Variants in ZC3H12B observed in about 807,000 individuals in gnomAD.
ZC3H12B encodes zinc finger CCCH-type containing 12B, also known as probable ribonuclease ZC3H12B.
Under a neutral mutation model 43.9 loss-of-function variants are expected in ZC3H12B, and 7 were observed. That is an observed-to-expected ratio of 0.16 (90% CI 0.09 to 0.30). The LOEUF (loss-of-function observed/expected upper bound fraction) is 0.30, where lower values mean the gene tolerates loss of function less well. ZC3H12B is among the 10% of genes least tolerant of loss of function. The probability of loss-of-function intolerance (pLI) is 1.00; values close to 1 mark genes in which losing one functional copy is unlikely to be tolerated. For missense variants in ZC3H12B, 475 were observed against 670.2 expected, an observed-to-expected ratio of 0.71 and a Z score of 3.22; for synonymous variants, 222 against 241.7, an observed-to-expected ratio of 0.92 and a Z score of 0.76.
the ZC3H12B span, among the ~76,000 whole-genome samples, chrX:65,304,815 A>C: frequency 2.7e-5 from 3 of 111,530 alleles, no homozygotes; most frequent in Non-Finnish European, 3.8e-5. Flanking sequence ...ATGATCAATA[A>C]AGAAAAATAA....
the ZC3H12B span, among the ~76,000 whole-genome samples, chrX:65,207,027 G>T: frequency 9.2e-6 from 1 of 109,117 alleles, no homozygotes; most frequent in Non-Finnish European, 1.9e-5. Context: ...GTGTGGATGT[G>T]GTGAAAAGGG....
At chrX:65,367,065 C>T (rs2066183357) in intron 1 of ZC3H12B, among the ~76,000 whole-genome samples, 1 of 112,137 alleles carries the variant, frequency 8.9e-6, no homozygotes, top group Non-Finnish European at 1.9e-5. Flanking sequence ...TCGTGAAGCT[C>T]AGTATAGCAG....
At chrX:65,424,334 T>A (rs1317726911) in intron 3 of ZC3H12B, among the ~76,000 whole-genome samples, 1 of 112,405 alleles carries the variant, frequency 8.9e-6, no homozygotes, top group Non-Finnish European at 1.9e-5. Context: ...TTCTTGTAAA[T>A]TTTTTAAGTT....
At chrX:65,175,689 T>A in the ZC3H12B span, among the ~76,000 whole-genome samples, 6 of 111,496 alleles carry the variant, frequency 5.4e-5, no homozygotes, top group African/African-American at 2.0e-4. Flanking sequence ...CTGGGTCATC[T>A]CATTGGGACT....
chrX:65,158,036 C>T, the ZC3H12B span, among the ~76,000 whole-genome samples: 1 of 104,376 alleles, frequency 9.6e-6, no homozygotes, highest in South Asian at 4.7e-4. Context: ...GGTTTTTTGC[C>T]CTTGCGAAAG....
the ZC3H12B span, among the ~76,000 whole-genome samples, chrX:65,074,865 ATTG>A: frequency 6.3e-5 from 7 of 111,727 alleles, no homozygotes; most frequent in East Asian, 2.8e-4. Flanking sequence ...TATGTATCCT[ATTG>A]TTCTGAGCTT....
At chrX:65,223,360 CTG>C in the ZC3H12B span, among the ~76,000 whole-genome samples, 2 of 110,381 alleles carry the variant, frequency 1.8e-5, no homozygotes, top group Non-Finnish European at 3.8e-5. Context: ...AGATCTGAAA[CTG>C]TAAAAATTCT....
chrX:65,355,906 G>A, the ZC3H12B span, among the ~76,000 whole-genome samples: 9 of 111,895 alleles, frequency 8.0e-5, no homozygotes, highest in Non-Finnish European at 1.5e-4. Context: ...AGTGAGCTGA[G>A]ATAGCACCAT....
chrX:65,042,360 A>G, the ZC3H12B span, among the ~76,000 whole-genome samples: 8 of 112,864 alleles, frequency 7.1e-5, no homozygotes, highest in African/African-American at 1.9e-4. Flanking sequence ...TGAACACTGA[A>G]TGCAGAATAG....
At chrX:65,284,176 T>C in the ZC3H12B span, among the ~76,000 whole-genome samples, 3 of 104,373 alleles carry the variant, frequency 2.9e-5, no homozygotes, top group East Asian at 8.8e-4. Context: ...TCCTCCTCTA[T>C]GAAAGTAAAT....
intron 2 of ZC3H12B, among the ~76,000 whole-genome samples, chrX:65,384,672 C>T (rs2066496565): frequency 9.0e-6 from 1 of 111,190 alleles, no homozygotes. Flanking sequence ...TTACCAATAA[C>T]ATCAAATGTA....
At chrX:65,335,380 G>GA in the ZC3H12B span, among the ~76,000 whole-genome samples, 1 of 111,643 alleles carries the variant, frequency 9.0e-6, no homozygotes, top group Non-Finnish European at 1.9e-5. Flanking sequence ...CTTTAGCCAG[G>GA]CCAAACAGCC....
At chrX:65,131,025 G>A in the ZC3H12B span, among the ~76,000 whole-genome samples, 1 of 111,971 alleles carries the variant, frequency 8.9e-6, no homozygotes, top group Non-Finnish European at 1.9e-5. Context: ...TGCATAGTGA[G>A]GAAACCTCTT....
the ZC3H12B span, among the ~76,000 whole-genome samples, chrX:65,252,303 A>T: frequency 4.5e-5 from 5 of 111,352 alleles, no homozygotes; most frequent in Middle Eastern, 4.6e-3. Context: ...ATCATGGTGG[A>T]TAAGCTTTTT....
the ZC3H12B span, among the ~76,000 whole-genome samples, chrX:65,158,225 A>G: frequency 1.8e-5 from 2 of 110,344 alleles, no homozygotes; most frequent in African/African-American, 6.6e-5. Flanking sequence ...TAGTGCCGCA[A>G]TAAACATACG....
the ZC3H12B span, among the ~76,000 whole-genome samples, chrX:65,257,324 A>G: frequency 9.0e-6 from 1 of 111,679 alleles, no homozygotes; most frequent in Admixed American, 9.5e-5. Context: ...GAAGCTGGAA[A>G]CCATCATTCT....
the ZC3H12B span, among the ~76,000 whole-genome samples, chrX:65,181,015 A>G: frequency 9.0e-6 from 1 of 111,364 alleles, no homozygotes; most frequent in African/African-American, 3.3e-5. Context: ...CTACAAACCT[A>G]CAGTAACCAA....
At chrX:65,382,903 G>T (rs1396025684) in intron 2 of ZC3H12B, among the ~76,000 whole-genome samples, 1 of 110,963 alleles carries the variant, frequency 9.0e-6, no homozygotes, top group Non-Finnish European at 1.9e-5. Context: ...CAAGGGATGT[G>T]AAGGACCTCT....
the ZC3H12B span, among the ~76,000 whole-genome samples, chrX:65,310,805 A>G: frequency 9.0e-6 from 1 of 111,696 alleles, no homozygotes; most frequent in Admixed American, 9.5e-5. Flanking sequence ...CAATATATAG[A>G]CCAATGGAAC....
Sources: gnomAD v4.1 joint callset for allele counts (sites outside exome capture counted in the v4.1 genomes callset) on GRCh38, gnomAD v4.1.1 for gene constraint, MANE v1.5 for transcripts, NCBI Gene and HGNC (gene_info 2026-07-23, HGNC 2026-07-21) for gene names.